The following MICALL1 variants were observed in gnomAD, a reference collection of about 807,000 sequenced individuals.
MICALL1 encodes the protein MICAL like 1, also known as MICAL-like protein 1.
MICALL1 carries 61 observed loss-of-function variants against 83.7 expected under a neutral mutation model. The ratio of observed to expected loss-of-function variants is 0.73; its 90% CI spans 0.59 to 0.90. The LOEUF is 0.90. Ranked by LOEUF, MICALL1 falls within the 40% of genes least tolerant of loss-of-function variation. The probability of loss-of-function intolerance (pLI) is 0.00; values close to 1 mark genes in which losing one functional copy is unlikely to be tolerated. For synonymous variants in MICALL1, 481 were observed against 473.6 expected (o/e 1.02, Z -0.20); for missense variants, 1,066 against 1,152.0 (o/e 0.93, Z 1.08).
intron 14 of MICALL1, 144 bp downstream of exon 14, chr22:37,937,338 C>A: frequency 1.1e-5 from 7 of 660,796 alleles, no homozygotes; most frequent in South Asian, 1.0e-4. Flanking sequence ...TACCAGCGAT[C>A]CCAGTGCACC....
rs1378974146 is a variant in MICALL1 at position 37,932,947 on chromosome 22, C to A, written c.2234+59C>A. Reference sequence around the variant, plus strand: ...AATCCGTAGAGCTTAGAATGGAGAACCCTTACCCTCTTCCCTCATCAGTAA... The same window carrying A: ...AATCCGTAGAGCTTAGAATGGAGAAACCTTACCCTCTTCCCTCATCAGTAA... On this transcript the variant is annotated intron_variant, in intron 12 of 15. Coordinates refer to ENST00000215957, the MANE Select transcript of MICALL1 (RefSeq NM_033386.4). This position sits in a 1 kb window ranked among gnomAD's most constrained non-coding sequence, Gnocchi z 4.4. 5.6e-6 allele frequency: 9 copies of A among 1,611,936 alleles called. No homozygotes were observed. The Admixed American group carries it at 1.5e-4, about 27-fold the overall frequency.
At chr22:37,909,322 G>C (rs1433344674) in intron 1 of MICALL1, among the ~76,000 whole-genome samples, 2 of 151,882 alleles carry the variant, frequency 1.3e-5, no homozygotes, top group Non-Finnish European at 2.9e-5. Context: ...CCAAAGTGCT[G>C]GGATTACAGG....
chr22:37,933,296 A>T (rs947877657), intron 13 of MICALL1, among the ~76,000 whole-genome samples, 184 bp downstream of exon 13: 1 of 152,082 alleles, frequency 6.6e-6, no homozygotes, highest in Admixed American at 6.6e-5. Flanking sequence ...TGTAACAGGC[A>T]GTAAGCTGGC....
In MICALL1 at chr22:37,932,519, G is replaced by C. The variant is rs1425894445; in HGVS notation, c.2017-34G>C. The C allele has an allele frequency of 6.2e-7, 1 of 1,610,368 alleles. No individual in the cohort carries two copies. Among genetic ancestry groups the C allele is most frequent in the East Asian group, 2.2e-5 (1 of 44,826 alleles). On this transcript the variant is annotated intron_variant, in intron 10 of 15. Coordinates refer to ENST00000215957, the MANE Select transcript of MICALL1 (RefSeq NM_033386.4). This position sits in a 1 kb window ranked among gnomAD's most constrained non-coding sequence, Gnocchi z 4.4. Reference sequence around the variant, plus strand: ...GGGCAAGGCTCCTGGCAGCAACCAGGCAGGCCGTCAGGTGACCAGGCACTG... The same window carrying C: ...GGGCAAGGCTCCTGGCAGCAACCAGCCAGGCCGTCAGGTGACCAGGCACTG...
In MICALL1 at chr22:37,932,665, G is replaced by T. The variant is rs764121620; in HGVS notation, c.2129G>T (p.Arg710Leu). Residue 710 changes from arginine (R) to leucine (L), a missense_variant, in exon 11 of 16, where the codon CGT becomes CTT. Physicochemically the swap from Arg to Leu is moderately radical, Grantham distance 102. Coordinates refer to ENST00000215957, the MANE Select transcript of MICALL1 (RefSeq NM_033386.4). This position sits in a 1 kb window ranked among gnomAD's most constrained non-coding sequence, Gnocchi z 4.4. Reference protein sequence around the residue: ...HRGVLLEEKLRGGLNEGREDD... With the variant: ...HRGVLLEEKLLGGLNEGREDD... ...GGGGTGCTGCTGGAGGAGAAGCTGC[G>T]TGGCGGCCTGAATGGTGCGGGAGCG... 5.0e-6 allele frequency: 8 copies of T among 1,613,836 alleles called. No individual in the cohort carries two copies. Among genetic ancestry groups the T allele is most frequent in the Non-Finnish European group, 6.8e-6 (8 of 1,179,968 alleles).
Position 37,932,682 on chromosome 22 carries a change from G to A in MICALL1, c.2143+3G>A. ...GAAGCTGCGTGGCGGCCTGAATGGT[G>A]CGGGAGCGGCTGGGAGGGCCTGCTG... is the stretch of plus-strand genomic sequence containing the variant. On this transcript the variant is annotated splice_donor_region_variant and intron_variant, in intron 11 of 15. Transcript: ENST00000215957. The surrounding 1 kb of genome is among the most constrained non-coding windows in gnomAD (Gnocchi z 4.4). The A allele has an allele frequency of 6.2e-7, 1 of 1,613,564 alleles. No homozygotes were observed. The highest frequency in any genetic ancestry group is 1.1e-5 in the South Asian group (1 of 91,056).
intron 15 of MICALL1, 106 bp downstream of exon 15, chr22:37,937,898 T>C (rs1327656355): frequency 7.0e-7 from 1 of 1,428,436 alleles, no homozygotes; most frequent in Non-Finnish European, 9.7e-7. Context: ...ACTACCAGGA[T>C]GGCTGTGCAC....
chr22:37,932,692 C>T lies in MICALL1; in HGVS notation c.2143+13C>T. 6.2e-7 allele frequency: 1 copy of T among 1,612,632 alleles called. No homozygotes were observed. The highest frequency in any genetic ancestry group is 8.5e-7 in the Non-Finnish European group (1 of 1,179,522). The stretch of plus-strand genomic sequence containing the variant: ...GGCGGCCTGAATGGTGCGGGAGCGG[C>T]TGGGAGGGCCTGCTGGGTGGGGCTG... On this transcript the variant is annotated intron_variant, in intron 11 of 15. Transcript: ENST00000215957. The surrounding 1 kb of genome is among the most constrained non-coding windows in gnomAD (Gnocchi z 4.4).
At chr22:37,916,242 G>C (rs1487354050) in intron 3 of MICALL1, among the ~76,000 whole-genome samples, 1 of 152,226 alleles carries the variant, frequency 6.6e-6, no homozygotes, top group East Asian at 1.9e-4. Flanking sequence ...GATTCTCATT[G>C]ATAAAGGTAC....
chr22:37,908,701 A>G (rs993498623), intron 1 of MICALL1, among the ~76,000 whole-genome samples: 1 of 152,168 alleles, frequency 6.6e-6, no homozygotes, highest in African/African-American at 2.4e-5. Context: ...CCAATCGACA[A>G]AACAGGCAAC....
chr22:37,909,367 T>C (rs1417788684), intron 1 of MICALL1, among the ~76,000 whole-genome samples: 1 of 150,202 alleles, frequency 6.7e-6, no homozygotes, highest in Non-Finnish European at 1.5e-5. Context: ...CCACGTAGGT[T>C]TTTTTTTTTG....
intron 3 of MICALL1, among the ~76,000 whole-genome samples, chr22:37,912,853 G>A (rs1928423797): frequency 6.6e-6 from 1 of 151,664 alleles, no homozygotes; most frequent in Non-Finnish European, 1.5e-5. Context: ...AGTAGAGACA[G>A]GGTTTCACTA....
At chr22:37,922,579 A>ATTTT (rs1401164115) in intron 6 of MICALL1, among the ~76,000 whole-genome samples, 153 bp downstream of exon 6, 2 of 57,306 alleles carry the variant, frequency 3.5e-5, no homozygotes, top group African/African-American at 1.4e-4. Flanking sequence ...TGAGGTTATT[A>ATTTT]TATATATATA....
rs748899422 is a variant in MICALL1, at chr22:37,927,763, G to T, written c.1818G>T (p.Leu606Phe). The change falls in exon 9 of 16, where the codon TTG becomes TTT. Residue 606 changes from leucine (L) to phenylalanine (F), a missense_variant. Physicochemically the swap from Leu to Phe is conservative, Grantham distance 22. Transcript: ENST00000215957. ...PCSGATPTPL[L>F]LVGDRSPVPS... Reference sequence around the variant, plus strand: ...GTGGCGCCACCCCAACGCCTCTCTTGTTGGTTGGAGACAGGAGCCCGGTGC... The same window carrying T: ...GTGGCGCCACCCCAACGCCTCTCTTTTTGGTTGGAGACAGGAGCCCGGTGC... 2.0e-5 allele frequency: 33 copies of T among 1,613,636 alleles called. No homozygotes were observed. The highest frequency in any genetic ancestry group is 2.7e-5 in the Non-Finnish European group (32 of 1,179,948).
intron 15 of MICALL1, among the ~76,000 whole-genome samples, chr22:37,939,004 C>T (rs1930289549): frequency 1.3e-5 from 2 of 152,148 alleles, no homozygotes; most frequent in Non-Finnish European, 2.9e-5. Flanking sequence ...GATCTGCCCA[C>T]CTCGGCCTCC....
At position 37,932,731 on chromosome 22, in the gene MICALL1, C is replaced by T. The variant is rs764054527; in HGVS notation, c.2143+52C>T. 5 of 1,612,370 alleles carry T rather than the reference C, an allele frequency of 3.1e-6. No individual in the cohort carries two copies. In the Admixed American group the frequency reaches 5.0e-5, roughly 16 times the overall value. The stretch of plus-strand genomic sequence containing the variant: ...TGGGTGGGGCTGGGGGCAGGAGCCT[C>T]TATTCCCCGGGGAACTGAGCCAGGC... On this transcript the variant is annotated intron_variant, in intron 11 of 15. Coordinates refer to ENST00000215957, the MANE Select transcript of MICALL1 (RefSeq NM_033386.4). This position sits in a 1 kb window ranked among gnomAD's most constrained non-coding sequence, Gnocchi z 4.4.
Position 37,932,496 on chromosome 22 carries a change from G to C in MICALL1, c.2017-57G>C. 1.9e-6 allele frequency: 3 copies of C among 1,603,076 alleles called. No homozygotes were observed. Among genetic ancestry groups the C allele is most frequent in the Non-Finnish European group, 2.6e-6 (3 of 1,173,470 alleles). On this transcript the variant is annotated intron_variant, in intron 10 of 15. Coordinates refer to ENST00000215957, the MANE Select transcript of MICALL1 (RefSeq NM_033386.4). The surrounding 1 kb of genome is among the most constrained non-coding windows in gnomAD (Gnocchi z 4.4). ...TGGCCAATGCTGGCCAGAGAAGAGG[G>C]CAAGGCTCCTGGCAGCAACCAGGCA...
At chr22:37,922,455 C>T (rs1480214251) in intron 6 of MICALL1, 29 bp downstream of exon 6, 1 of 1,461,408 alleles carries the variant, frequency 6.8e-7, no homozygotes, top group Non-Finnish European at 9.0e-7. Context: ...GGGCAGGGGG[C>T]ACCGGGTGGC....
rs1443291718 is a variant in MICALL1, at chr22:37,922,280, T to A, written c.878T>A (p.Leu293Gln). The A allele has an allele frequency of 6.4e-7, 1 of 1,569,806 alleles. No individual in the cohort carries two copies. Among genetic ancestry groups the A allele is most frequent in the African/African-American group, 1.4e-5 (1 of 73,986 alleles). ...CGGGTTCCTGGCAAACTACAGGAGC[T>A]GGCCAGCCCCCCTGCGGGCCGCCCC... ...KPRVPGKLQE[L>Q]ASPPAGRPTP... The change falls in exon 6 of 16, where the codon CTG becomes CAG. Residue 293 changes from leucine to glutamine, a missense_variant. Physicochemically the swap from Leu to Gln is moderately radical, Grantham distance 113. Transcript: ENST00000215957.
Sources: gnomAD v4.1 joint callset for allele counts (sites outside exome capture counted in the v4.1 genomes callset) on GRCh38, gnomAD v4.1.1 for gene constraint, Gnocchi (gnomAD v3.1) non-coding constraint, MANE v1.5 for transcripts, NCBI Gene and HGNC (gene_info 2026-07-23, HGNC 2026-07-21) for gene names.